The following SERPINB12 variants were observed in gnomAD, a reference collection of about 807,000 sequenced individuals.
The protein encoded by SERPINB12 is serpin family B member 12.
A neutral mutation model predicts 41.1 loss-of-function variants in SERPINB12; 57 were observed. The observed-to-expected ratio is 1.39, with a 90% CI of 1.12 to 1.73. SERPINB12 has a LOEUF of 1.73. SERPINB12 is among the 40% of genes most tolerant of loss of function. The pLI is 0.00. For synonymous variants in SERPINB12, 180 were observed against 181.3 expected, an observed-to-expected ratio of 0.99 and a Z score of 0.06; for missense variants, 536 against 501.9, an observed-to-expected ratio of 1.07 and a Z score of -0.65.
intron 1 of SERPINB12, among the ~76,000 whole-genome samples, chr18:63,546,572 T>C (rs1910392517): frequency 2.0e-5 from 3 of 152,162 alleles, no homozygotes; most frequent in Admixed American, 2.0e-4. Flanking sequence ...AATTCAAATA[T>C]AAGAAATCAT....
At chr18:63,520,826 G>T in the SERPINB12 span, among the ~76,000 whole-genome samples, 1 of 152,138 alleles carries the variant, frequency 6.6e-6, no homozygotes, top group Non-Finnish European at 1.5e-5. Flanking sequence ...AAGACAAATA[G>T]AAGGTGTCAA....
intron 2 of SERPINB12, among the ~76,000 whole-genome samples, chr18:63,557,865 T>A (rs1397468572): frequency 6.6e-6 from 1 of 152,204 alleles, no homozygotes; most frequent in Non-Finnish European, 1.5e-5. Flanking sequence ...AATTTAAAAT[T>A]TTTTAGTAAC....
At chr18:63,560,644 G>A (rs1180546712) in intron 4 of SERPINB12, among the ~76,000 whole-genome samples, 1 of 152,122 alleles carries the variant, frequency 6.6e-6, no homozygotes, top group Admixed American at 6.5e-5. Flanking sequence ...ACAATGTTGT[G>A]TAACCATCAC....
chr18:63,564,012 T>C lies in SERPINB12; in HGVS notation c.597T>C (p.Ile199=). ...AGGAACTCTTCAGCAAGGACGCTAT[T>C]AATGCTGAGACTGTGCTGGTACTGG... ...KIKELFSKDA[I]NAETVLVLVN... Residue 199 remains isoleucine (I), a synonymous_variant, in exon 6 of 8, where the codon ATT becomes ATC. Transcript: ENST00000382768. 6.2e-7 allele frequency: 1 copy of C among 1,613,634 alleles called. No individual in the cohort carries two copies. The highest frequency in any genetic ancestry group is 8.5e-7 in the Non-Finnish European group (1 of 1,179,778).
At chr18:63,540,171 A>G (rs1568122645), upstream of SERPINB12, among the ~76,000 whole-genome samples, 1 of 152,184 alleles carries the variant, frequency 6.6e-6, no homozygotes, top group Non-Finnish European at 1.5e-5. Flanking sequence ...TGAGTGATTT[A>G]TGTTAGAGGA....
the SERPINB12 span, among the ~76,000 whole-genome samples, chr18:63,528,962 G>T: frequency 6.6e-6 from 1 of 152,108 alleles, no homozygotes; most frequent in African/African-American, 2.4e-5. Flanking sequence ...GATTCATCAG[G>T]GTAGAAAAGG....
chr18:63,565,776 G>C (rs1911080609), intron 7 of SERPINB12, among the ~76,000 whole-genome samples, 164 bp downstream of exon 7: 1 of 152,146 alleles, frequency 6.6e-6, no homozygotes, highest in South Asian at 2.1e-4. Context: ...TTCCTCATTT[G>C]TTTAGAATTA....
intron 3 of SERPINB12, 43 bp downstream of exon 3, chr18:63,558,529 A>C: frequency 6.4e-7 from 1 of 1,569,904 alleles, no homozygotes; most frequent in South Asian, 1.2e-5. Context: ...CTTTTTTACA[A>C]ACTGCTTATT....
rs1488417718 is a variant in SERPINB12, at chr18:63,568,656, G to A, written c.*1645G>A. ...GAGGTGGGTTTCAGGTCTTGCTTGC[G>A]GCTCAGTTTCCTTGGCCCACCTTGT... On this transcript the variant is annotated 3_prime_UTR_variant, in exon 8 of 8. Coordinates refer to ENST00000382768, the MANE Select transcript of SERPINB12 (RefSeq NM_001307928.2). Among the ~76,000 whole-genome samples, 2 of 152,262 alleles carry A rather than the reference G, an allele frequency of 1.3e-5. No individual in the cohort carries two copies. The highest frequency in any genetic ancestry group is 4.8e-5 in the African/African-American group (2 of 41,548).
At chr18:63,536,775 C>T in the SERPINB12 span, among the ~76,000 whole-genome samples, 1 of 152,014 alleles carries the variant, frequency 6.6e-6, no homozygotes, top group African/African-American at 2.4e-5. Flanking sequence ...TTTCATTCAC[C>T]TATCACAATA....
chr18:63,544,823 A>T (rs1385582838), intron 1 of SERPINB12, among the ~76,000 whole-genome samples: 1 of 152,184 alleles, frequency 6.6e-6, no homozygotes, highest in Admixed American at 6.6e-5. Flanking sequence ...AAACATCAGG[A>T]AAACTGTCTG....
intron 1 of SERPINB12, among the ~76,000 whole-genome samples, chr18:63,546,873 A>G (rs1910399160): frequency 6.6e-6 from 1 of 152,152 alleles, no homozygotes; most frequent in African/African-American, 2.4e-5. Flanking sequence ...GGCAAAGTTG[A>G]TATATTTCCA....
At chr18:63,522,853 A>G in the SERPINB12 span, among the ~76,000 whole-genome samples, 1 of 152,150 alleles carries the variant, frequency 6.6e-6, no homozygotes, top group African/African-American at 2.4e-5. Context: ...GTGGCATACA[A>G]CAAGATAGCC....
intron 1 of SERPINB12, among the ~76,000 whole-genome samples, chr18:63,548,135 C>T (rs978168760): frequency 6.6e-6 from 1 of 151,938 alleles, no homozygotes; most frequent in African/African-American, 2.4e-5. Context: ...ACAGTGGTGA[C>T]TAATTAACTC....
chr18:63,525,260 T>A, the SERPINB12 span, among the ~76,000 whole-genome samples: 1 of 152,204 alleles, frequency 6.6e-6, no homozygotes, highest in Non-Finnish European at 1.5e-5. Context: ...TTCTTATAAT[T>A]TTTCCCATCG....
chr18:63,536,732 G>T, the SERPINB12 span, among the ~76,000 whole-genome samples: 3 of 152,138 alleles, frequency 2.0e-5, no homozygotes, highest in East Asian at 5.8e-4. Flanking sequence ...TGTGTGCTAG[G>T]TACTACATGG....
chr18:63,532,841 C>T, the SERPINB12 span, among the ~76,000 whole-genome samples: 11 of 152,216 alleles, frequency 7.2e-5, no homozygotes, highest in South Asian at 2.3e-3. Context: ...CAAACCCCAT[C>T]GCCATTCTTG....
upstream of SERPINB12, among the ~76,000 whole-genome samples, chr18:63,540,843 A>T (rs1252192223): frequency 1.3e-5 from 2 of 152,132 alleles, no homozygotes; most frequent in Non-Finnish European, 2.9e-5. Context: ...TTATGATTGG[A>T]ATTTTAAAAT....
At chr18:63,524,167 T>A in the SERPINB12 span, among the ~76,000 whole-genome samples, 1 of 152,332 alleles carries the variant, frequency 6.6e-6, no homozygotes, top group East Asian at 1.9e-4. Flanking sequence ...GTAAATTTTG[T>A]TATTCCAACA....
Sources: gnomAD v4.1 joint callset for allele counts (sites outside exome capture counted in the v4.1 genomes callset) on GRCh38, gnomAD v4.1.1 for gene constraint, MANE v1.5 for transcripts, NCBI Gene and HGNC (gene_info 2026-07-23, HGNC 2026-07-21) for gene names.